ATP1A1: variants seen among roughly 807,000 people sequenced by gnomAD.
The protein encoded by ATP1A1 is ATPase Na+/K+ transporting subunit alpha 1, also known as sodium/potassium-transporting ATPase subunit alpha-1.
A neutral mutation model predicts 114.8 loss-of-function variants in ATP1A1; 14 were observed. The observed-to-expected ratio is 0.12, with a 90% CI of 0.08 to 0.19. The LOEUF is 0.19. Among genes scored for constraint, ATP1A1 ranks in the 10% least tolerant of loss-of-function variants. The pLI, the probability that ATP1A1 is intolerant of heterozygous loss-of-function variation, is 1.00. For synonymous variants in ATP1A1, 471 were observed against 466.3 expected (o/e 1.01, Z -0.13); for missense variants, 524 against 1,290.7 (o/e 0.41, Z 9.10).
At chr1:116,374,268 C>T (rs1377283276) in intron 1 of ATP1A1, 2 of 1,551,594 alleles carry the variant, frequency 1.3e-6, no homozygotes, top group African/African-American at 1.4e-5. Flanking sequence ...TTTCTTGGGC[C>T]ACTTTCCGTA....
Position 116,373,276 on chromosome 1 carries a change from C to T in ATP1A1, c.-236C>T, listed in dbSNP as rs557618197. 7.6e-6 allele frequency: 3 copies of T among 396,702 alleles called. No homozygotes were observed. The highest frequency in any genetic ancestry group is 4.2e-5 in the African/African-American group (2 of 47,570). 24.6% of individuals were successfully genotyped at this position (396,702 alleles called of 1,614,324 possible). A position where few individuals can be genotyped will look rare whatever the true frequency, so the allele number is the denominator to read the frequency against. On this transcript the variant is annotated 5_prime_UTR_variant, in exon 1 of 23. Coordinates refer to ENST00000295598, the MANE Select transcript of ATP1A1 (RefSeq NM_000701.8). ...CGGCGGGGTCTGGGGCGCAGAGCAG[C>T]GGCGGGAGGAGGCGGACACGTGGCA...
chr1:116,384,351 GA>G lies in ATP1A1; in HGVS notation c.123+229del, dbSNP rs768596871. On this transcript the variant is annotated intron_variant, in intron 2 of 22. Coordinates refer to ENST00000295598, the MANE Select transcript of ATP1A1 (RefSeq NM_000701.8). The surrounding 1 kb of genome is among the most constrained non-coding windows in gnomAD (Gnocchi z 5.1). ...CACTCTGGCATAACCAGAGATAACA[GA>G]AGGAACTTAGGTTGATACCATGAGT... 6.6e-6 allele frequency among the ~76,000 whole-genome samples: 1 copy of G among 152,202 alleles called. No individual in the cohort carries two copies. Among genetic ancestry groups the G allele is most frequent in the African/African-American group, 2.4e-5 (1 of 41,434 alleles).
Position 116,388,705 on chromosome 1 carries a change from T to A in ATP1A1, c.569T>A (p.Leu190Gln), listed in dbSNP as rs1280983367. Reference sequence around the variant, plus strand: ...GCGGAGGAAGTTGTGGTTGGGGATCTGGTGGAAGTAAAAGGAGGAGACCGA... The same window carrying A: ...GCGGAGGAAGTTGTGGTTGGGGATCAGGTGGAAGTAAAAGGAGGAGACCGA... ...INAEEVVVGD[L>Q]VEVKGGDRIP... The change falls in exon 6 of 23, where the codon CTG (leucine) becomes CAG (glutamine). Residue 190 changes from leucine (L) to glutamine (Q), a missense_variant. Transcript: ENST00000295598. This position sits in a 1 kb window ranked among gnomAD's most constrained non-coding sequence, Gnocchi z 5.6. 1 of 1,614,096 alleles carries A rather than the reference T, an allele frequency of 6.2e-7. No homozygotes were observed. Among genetic ancestry groups the A allele is most frequent in the Non-Finnish European group, 8.5e-7 (1 of 1,180,046 alleles).
chr1:116,389,322 A>T lies in ATP1A1; in HGVS notation c.755-117A>T. On this transcript the variant is annotated intron_variant, in intron 7 of 22. Transcript: ENST00000295598. The surrounding 1 kb of genome is among the most constrained non-coding windows in gnomAD (Gnocchi z 6.9). ...TACAGCCAAAGAGCTGGCCCTTAAAAAGTGCTTTTATCAACTCTTTTTGTT... is the reference window on the plus strand; with the variant it reads ...TACAGCCAAAGAGCTGGCCCTTAAATAGTGCTTTTATCAACTCTTTTTGTT... 1 of 1,378,932 alleles carries T rather than the reference A, an allele frequency of 7.3e-7. No individual in the cohort carries two copies. Among genetic ancestry groups the T allele is most frequent in the South Asian group, 1.4e-5 (1 of 72,872 alleles). The allele number at this position is 1,378,932 out of a possible 1,614,324, so 85.4% of individuals were successfully genotyped here.
Position 116,399,379 on chromosome 1 carries a change from TA to T in ATP1A1, c.2449-40del. On this transcript the variant is annotated intron_variant, in intron 17 of 22. Coordinates refer to ENST00000295598, the MANE Select transcript of ATP1A1 (RefSeq NM_000701.8). The surrounding 1 kb of genome is among the most constrained non-coding windows in gnomAD (Gnocchi z 5.0). ...AAAAGGTTCACAATATTAGCTTCCTTATTTTTAGTAACTAAATTCCTTCTCC... is the reference window on the plus strand; with the variant it reads ...AAAAGGTTCACAATATTAGCTTCCTTTTTTTAGTAACTAAATTCCTTCTCC... The T allele has an allele frequency of 6.3e-7, 1 of 1,598,528 alleles. No homozygotes were observed. Among genetic ancestry groups the T allele is most frequent in the Non-Finnish European group, 8.5e-7 (1 of 1,173,908 alleles).
In ATP1A1 at chr1:116,404,353, T is replaced by G. The variant is rs1264295365; in HGVS notation, c.3044-63T>G. The G allele has an allele frequency of 4.4e-6, 7 of 1,606,272 alleles. No individual in the cohort carries two copies. Among genetic ancestry groups the G allele is most frequent in the Non-Finnish European group, 6.0e-6 (7 of 1,173,956 alleles). ...GTTGGTTTTCATCCCTGTTTCCCTC[T>G]GTAATGCTGGAGCGAGGAAGACTCA... On this transcript the variant is annotated intron_variant, in intron 22 of 22. Coordinates refer to ENST00000295598, the MANE Select transcript of ATP1A1 (RefSeq NM_000701.8). The surrounding 1 kb of genome is among the most constrained non-coding windows in gnomAD (Gnocchi z 4.8).
At position 116,384,755 on chromosome 1, in the gene ATP1A1, T is replaced by A; in HGVS notation, c.124-28T>A. ...ATTTTTTTATACTACACTGTTTAACTATTTTCTTTGTTTCTGTTTTCCCTT... is the reference window on the plus strand; with the variant it reads ...ATTTTTTTATACTACACTGTTTAACAATTTTCTTTGTTTCTGTTTTCCCTT... On this transcript the variant is annotated intron_variant, in intron 2 of 22. Coordinates refer to ENST00000295598, the MANE Select transcript of ATP1A1 (RefSeq NM_000701.8). The surrounding 1 kb of genome is among the most constrained non-coding windows in gnomAD (Gnocchi z 5.1). The A allele has an allele frequency of 1.3e-6, 2 of 1,579,152 alleles. No homozygotes were observed. The highest frequency in any genetic ancestry group is 1.7e-6 in the Non-Finnish European group (2 of 1,157,442).
intron 9 of ATP1A1, 72 bp from the exon 10 acceptor site, chr1:116,390,710 A>G (rs1484006130): frequency 7.9e-7 from 1 of 1,259,568 alleles, no homozygotes; most frequent in Non-Finnish European, 1.1e-6. Context: ...TGGGACTTTA[A>G]TAGGAGAACT....
In ATP1A1 at chr1:116,389,862, AG is replaced by A. The variant is rs778955679; in HGVS notation, c.1023+156del. ...GCCACATCACGTGGTGAATTTTGAC[AG>A]TGAGAAAACCTCAGCATTTGTTTAT... On this transcript the variant is annotated intron_variant, in intron 8 of 22. Coordinates refer to ENST00000295598, the MANE Select transcript of ATP1A1 (RefSeq NM_000701.8). This position sits in a 1 kb window ranked among gnomAD's most constrained non-coding sequence, Gnocchi z 6.9. 183 of 1,170,596 alleles carry A rather than the reference AG, an allele frequency of 1.6e-4. No homozygotes were observed. Among genetic ancestry groups the A allele is most frequent in the Admixed American group, 2.5e-4 (9 of 36,620 alleles). 72.5% of individuals were successfully genotyped at this position (1,170,596 alleles called of 1,614,324 possible). A position where few individuals can be genotyped will look rare whatever the true frequency, so the allele number is the denominator to read the frequency against.
At chr1:116,400,770 C>A in intron 18 of ATP1A1, 91 bp from the exon 19 acceptor site, 1 of 1,464,618 alleles carries the variant, frequency 6.8e-7, no homozygotes, top group Non-Finnish European at 9.3e-7. Flanking sequence ...TCCATATGTG[C>A]TCTCCCAGGC....
rs1262439850 is a variant in ATP1A1, at chr1:116,398,087, G to A, written c.2124+49G>A. 6.2e-7 allele frequency: 1 copy of A among 1,602,794 alleles called. No individual in the cohort carries two copies. The highest frequency in any genetic ancestry group is 8.5e-7 in the Non-Finnish European group (1 of 1,174,100). On this transcript the variant is annotated intron_variant, in intron 15 of 22. Transcript: ENST00000295598. The surrounding 1 kb of genome is among the most constrained non-coding windows in gnomAD (Gnocchi z 6.1). Reference sequence around the variant, plus strand: ...TGCTTTGGGCACTATTGGCTTTAGGGATTGGAGTTCCAGTGGAAACAGAGC... The same window carrying A: ...TGCTTTGGGCACTATTGGCTTTAGGAATTGGAGTTCCAGTGGAAACAGAGC...
chr1:116,383,716 C>G (rs192486977), intron 1 of ATP1A1, among the ~76,000 whole-genome samples: 1 of 152,274 alleles, frequency 6.6e-6, no homozygotes, highest in East Asian at 1.9e-4. Context: ...CAAAAATCTC[C>G]TCATTAACCC....
chr1:116,390,521 T>G (rs1027282458), intron 9 of ATP1A1, 110 bp downstream of exon 9: 33 of 1,122,818 alleles, frequency 2.9e-5, no homozygotes, highest in Non-Finnish European at 4.0e-5. Flanking sequence ...CATGGCAGCT[T>G]TTTCTTTCTT....
At position 116,393,449 on chromosome 1, in the gene ATP1A1, A is replaced by G. The variant is rs903586824; in HGVS notation, c.1468-82A>G. ...TTGGGTCTTTTATAGCAAATACTAA[A>G]TAGTAAGTGAAGCTTTGTTTTCCAC... On this transcript the variant is annotated intron_variant, in intron 11 of 22. Transcript: ENST00000295598. The surrounding 1 kb of genome is among the most constrained non-coding windows in gnomAD (Gnocchi z 5.0). The G allele has an allele frequency of 7.0e-6, 10 of 1,435,180 alleles. No individual in the cohort carries two copies. In the African/African-American group the frequency reaches 1.3e-4, roughly 18 times the overall value. The allele number at this position is 1,435,180 out of a possible 1,614,324, so 88.9% of individuals were successfully genotyped here.
chr1:116,390,653 A>G (rs1002895710), intron 9 of ATP1A1, 129 bp from the exon 10 acceptor site: 2 of 901,326 alleles, frequency 2.2e-6, no homozygotes, highest in African/African-American at 1.7e-5. Flanking sequence ...CTAAAATGTG[A>G]TTGGTTTCAT....
In ATP1A1 at chr1:116,381,890, A is replaced by G. The variant is rs959175965; in HGVS notation, c.13-2124A>G. On this transcript the variant is annotated intron_variant, in intron 1 of 22. Transcript: ENST00000295598. The surrounding 1 kb of genome is among the most constrained non-coding windows in gnomAD (Gnocchi z 5.1). The stretch of plus-strand genomic sequence containing the variant: ...TCCGTGAGCTGTATTTTAAAAATCA[A>G]TACAGGCTGGGCACGGTGGCTCACG... 7.2e-5 allele frequency among the ~76,000 whole-genome samples: 11 copies of G among 152,214 alleles called. No homozygotes were observed. Among genetic ancestry groups the G allele is most frequent in the African/African-American group, 2.7e-4 (11 of 41,454 alleles).
At position 116,382,575 on chromosome 1, in the gene ATP1A1, G is replaced by A. The variant is rs186723186; in HGVS notation, c.13-1439G>A. 8 of 152,300 alleles carry A rather than the reference G, an allele frequency of 5.3e-5. No individual in the cohort carries two copies. In the East Asian group the frequency reaches 1.5e-3, roughly 29 times the overall value. The allele number at this position is 152,300 out of a possible 1,614,324, so 9.4% of individuals were successfully genotyped here. ...ATTAGTCAAGTAGTGCTGCACACGT[G>A]ACCACAGAAGTTAAAAAGGTAAATA... On this transcript the variant is annotated intron_variant, in intron 1 of 22. Coordinates refer to ENST00000295598, the MANE Select transcript of ATP1A1 (RefSeq NM_000701.8).
intron 9 of ATP1A1, 117 bp from the exon 10 acceptor site, chr1:116,390,665 A>C (rs754144062): frequency 5.4e-5 from 51 of 938,572 alleles, no homozygotes; most frequent in Non-Finnish European, 7.1e-5. Context: ...TGGTTTCATT[A>C]ATTGGGAAAT....
In ATP1A1 at chr1:116,393,865, T is replaced by G; in HGVS notation, c.1660+142T>G. 1 of 824,116 alleles carries G rather than the reference T, an allele frequency of 1.2e-6. No homozygotes were observed. Among genetic ancestry groups the G allele is most frequent in the Non-Finnish European group, 1.8e-6 (1 of 543,822 alleles). The allele number at this position is 824,116 out of a possible 1,614,324, so 51.1% of individuals were successfully genotyped here. On this transcript the variant is annotated intron_variant, in intron 12 of 22. Transcript: ENST00000295598. This position sits in a 1 kb window ranked among gnomAD's most constrained non-coding sequence, Gnocchi z 5.0. ...ATCTTTTAGGGGCAATCCTCCTATTTGTTTATTTGCCCCCTATTATTTTGA... is the reference window on the plus strand; with the variant it reads ...ATCTTTTAGGGGCAATCCTCCTATTGGTTTATTTGCCCCCTATTATTTTGA...
Sources: gnomAD v4.1 joint callset for allele counts (sites outside exome capture counted in the v4.1 genomes callset) on GRCh38, gnomAD v4.1.1 for gene constraint, Gnocchi (gnomAD v3.1) non-coding constraint, MANE v1.5 for transcripts, NCBI Gene and HGNC (gene_info 2026-07-23, HGNC 2026-07-21) for gene names.